CADPS: variants seen among roughly 807,000 people sequenced by gnomAD.
CADPS encodes the protein calcium-dependent secretion activator 1.
In CADPS, 57 loss-of-function variants were observed where a neutral mutation model predicts 167.3. The ratio of observed to expected loss-of-function variants is 0.34; its 90% CI spans 0.28 to 0.42. The LOEUF (loss-of-function observed/expected upper bound fraction) is 0.42, where lower values mean the gene tolerates loss of function less well. Among genes scored for constraint, CADPS ranks in the 20% least tolerant of loss-of-function variants. The pLI, the probability that CADPS is intolerant of heterozygous loss-of-function variation, is 1.00. For missense variants in CADPS, 1,414 were observed against 1,738.1 expected (o/e 0.81, Z 3.32); for synonymous variants, 676 against 635.3 (o/e 1.06, Z -0.96).
intron 8 of CADPS, among the ~76,000 whole-genome samples, chr3:62,571,713 C>T (rs774388034): frequency 1.3e-5 from 2 of 151,910 alleles, no homozygotes; most frequent in African/African-American, 2.4e-5. Context: ...TACAAGCATG[C>T]GCCACCATGC....
intron 17 of CADPS, among the ~76,000 whole-genome samples, chr3:62,509,106 C>A (rs2067230363): frequency 1.3e-5 from 2 of 151,710 alleles, no homozygotes; most frequent in African/African-American, 4.8e-5. Flanking sequence ...AGTTCAAGAC[C>A]AACCTGGCCA....
chr3:62,443,207 TG>T (rs1424771687), intron 27 of CADPS, among the ~76,000 whole-genome samples: 1 of 152,354 alleles, frequency 6.6e-6, no homozygotes, highest in East Asian at 1.9e-4. Flanking sequence ...TAACCCGATG[TG>T]GGATCCTGAG....
intron 24 of CADPS, among the ~76,000 whole-genome samples, chr3:62,469,867 A>G (rs1162017177): frequency 6.6e-6 from 1 of 152,114 alleles, no homozygotes; most frequent in Non-Finnish European, 1.5e-5. Context: ...TGAGGGAACT[A>G]CTAATATTCA....
chr3:62,589,227 C>A (rs1264948948), intron 7 of CADPS, among the ~76,000 whole-genome samples: 4 of 152,188 alleles, frequency 2.6e-5, no homozygotes. Context: ...CTCGTGAGGT[C>A]CAAGTGTGGC....
chr3:62,694,915 T>G (rs1438955113), intron 3 of CADPS, among the ~76,000 whole-genome samples: 1 of 151,994 alleles, frequency 6.6e-6, no homozygotes, highest in African/African-American at 2.4e-5. Flanking sequence ...GGTGCTGTTT[T>G]CTCCAGCACC....
rs377218414 is a variant in CADPS, at chr3:62,640,331, C to CTTTTCTGACTTT, written c.1325+5379_1325+5390dup. Among the ~76,000 whole-genome samples, 124 of 152,208 alleles carry CTTTTCTGACTTT rather than the reference C, an allele frequency of 8.1e-4. 1 individual carries two copies. Among genetic ancestry groups the CTTTTCTGACTTT allele is most frequent in the African/African-American group, 2.8e-3 (115 of 41,534 alleles). On this transcript the variant is annotated intron_variant, in intron 6 of 29. Coordinates refer to ENST00000383710, the MANE Select transcript of CADPS (RefSeq NM_003716.4). ...GCAAGCAACTGGAGGGAACAACTTCCTTTTCTGACTTTGTAACTGACTTAA... is the reference window on the plus strand; with the variant it reads ...GCAAGCAACTGGAGGGAACAACTTCCTTTTCTGACTTTTTTTCTGACTTTGTAACTGACTTAA...
chr3:62,617,386 A>C (rs2062483524), intron 6 of CADPS, among the ~76,000 whole-genome samples: 1 of 152,150 alleles, frequency 6.6e-6, no homozygotes, highest in Non-Finnish European at 1.5e-5. Flanking sequence ...TATATTGGAG[A>C]TGGGAAGTTG....
chr3:62,722,943 C>T (rs1197953043), intron 3 of CADPS, among the ~76,000 whole-genome samples: 1 of 152,102 alleles, frequency 6.6e-6, no homozygotes, highest in Non-Finnish European at 1.5e-5. Flanking sequence ...GAATAAAAAA[C>T]TCACACATGT....
chr3:62,694,936 C>T (rs35354258), intron 3 of CADPS, among the ~76,000 whole-genome samples: 12,081 of 152,046 alleles, frequency 0.079, 633 homozygotes, highest in Non-Finnish European at 0.12. Flanking sequence ...ACAGAATTCA[C>T]GGGCCCAGCA....
At chr3:62,701,552 T>C (rs1038802027) in intron 3 of CADPS, among the ~76,000 whole-genome samples, 6 of 143,388 alleles carry the variant, frequency 4.2e-5, no homozygotes, top group Admixed American at 7.4e-5. Context: ...GAGGTTGCAG[T>C]GAGCCGAGAT....
intron 26 of CADPS, among the ~76,000 whole-genome samples, chr3:62,449,538 C>T (rs2057738121): frequency 1.3e-5 from 2 of 151,922 alleles, no homozygotes; most frequent in South Asian, 4.2e-4. Flanking sequence ...GTCTTTTTGC[C>T]AGCTATACTC....
chr3:62,699,966 C>A (rs9831702), intron 3 of CADPS, among the ~76,000 whole-genome samples: 1 of 151,848 alleles, frequency 6.6e-6, no homozygotes, highest in African/African-American at 2.4e-5. Context: ...ACACAGACCA[C>A]GTGGCCTGCA....
intron 6 of CADPS, among the ~76,000 whole-genome samples, chr3:62,616,871 A>G (rs908512973): frequency 1.3e-5 from 2 of 152,198 alleles, no homozygotes; most frequent in Non-Finnish European, 2.9e-5. Context: ...AAAAGTTTGC[A>G]TTAACTTAGA....
chr3:62,491,148 C>G (rs2063627070), intron 21 of CADPS, among the ~76,000 whole-genome samples, 191 bp downstream of exon 21: 2 of 152,134 alleles, frequency 1.3e-5, no homozygotes, highest in Admixed American at 1.3e-4. Context: ...CCTACCCTAC[C>G]CACCTCCTCC....
intron 1 of CADPS, among the ~76,000 whole-genome samples, chr3:62,822,244 A>T (rs2094955574): frequency 6.6e-6 from 1 of 152,222 alleles, no homozygotes; most frequent in Admixed American, 6.5e-5. Flanking sequence ...ATTTAAGGGC[A>T]AGTGTCACTG....
At chr3:62,595,332 C>G (rs185781704) in intron 6 of CADPS, among the ~76,000 whole-genome samples, 1 of 152,086 alleles carries the variant, frequency 6.6e-6, no homozygotes, top group South Asian at 2.1e-4. Flanking sequence ...AAGTGGTTGT[C>G]AGCAACTGCA....
Position 62,753,172 on chromosome 3 carries a change from G to C in CADPS, c.888+269C>G, listed in dbSNP as rs1017255761. On this transcript the variant is annotated intron_variant, in intron 3 of 29. Transcript: ENST00000383710. The surrounding 1 kb of genome is among the most constrained non-coding windows in gnomAD (Gnocchi z 4.6). ...ACGTGGAAAACAAGCCTTACTCATA[G>C]GGCCAACTTACCCATTAGACACAAT... is the stretch of plus-strand genomic sequence containing the variant. Among the ~76,000 whole-genome samples the C allele has an allele frequency of 2.0e-5, 3 of 152,080 alleles. No individual in the cohort carries two copies. The highest frequency in any genetic ancestry group is 7.2e-5 in the African/African-American group (3 of 41,398).
chr3:62,734,459 G>A (rs1024247224), intron 3 of CADPS, among the ~76,000 whole-genome samples: 2 of 152,116 alleles, frequency 1.3e-5, no homozygotes, highest in African/African-American at 4.8e-5. Context: ...CTTACCCAGT[G>A]CCCCCTCCTT....
chr3:62,447,657 G>A (rs1396871415), intron 26 of CADPS, among the ~76,000 whole-genome samples: 1 of 152,162 alleles, frequency 6.6e-6, no homozygotes, highest in African/African-American at 2.4e-5. Context: ...ATTGCATCAA[G>A]GAGCCACGTC....
Sources: gnomAD v4.1 joint callset for allele counts (sites outside exome capture counted in the v4.1 genomes callset) on GRCh38, gnomAD v4.1.1 for gene constraint, Gnocchi (gnomAD v3.1) non-coding constraint, MANE v1.5 for transcripts, NCBI Gene and HGNC (gene_info 2026-07-23, HGNC 2026-07-21) for gene names.